Variants in CASZ1 observed in about 807,000 individuals in gnomAD.
The protein encoded by CASZ1 is zinc finger protein castor homolog 1.
In CASZ1, 28 loss-of-function variants were observed where a neutral mutation model predicts 135.2. The observed-to-expected ratio is 0.21, with a 90% CI of 0.15 to 0.28. CASZ1 has a LOEUF of 0.28. CASZ1 is among the 10% of genes least tolerant of loss of function. The pLI is 1.00. For missense variants in CASZ1, 2,161 were observed against 2,453.3 expected, an observed-to-expected ratio of 0.88 and a Z score of 2.52; for synonymous variants, 1,068 against 1,073.4, an observed-to-expected ratio of 0.99 and a Z score of 0.10.
chr1:10,658,725 TC>T, intron 6 of CASZ1, 149 bp from the exon 7 acceptor site: 1 of 679,778 alleles, frequency 1.5e-6, no homozygotes, highest in Non-Finnish European at 2.6e-6. Context: ...ACTGAGGACA[TC>T]CCTGGCAGAA....
chr1:10,652,713 TG>T (rs1420153439), intron 11 of CASZ1: 1 of 152,324 alleles, frequency 6.6e-6, no homozygotes, highest in Non-Finnish European at 1.5e-5. Flanking sequence ...GGCCCTTTTC[TG>T]TCTGACGTGG....
At chr1:10,654,742 T>C in intron 9 of CASZ1, 151 bp from the exon 10 acceptor site, 1 of 725,830 alleles carries the variant, frequency 1.4e-6, no homozygotes, top group Non-Finnish European at 2.3e-6. Flanking sequence ...GGGATGTTGA[T>C]GTAGGAAGCA....
chr1:10,722,205 CT>C (rs1182088902), intron 2 of CASZ1, among the ~76,000 whole-genome samples: 50 of 152,342 alleles, frequency 3.3e-4, no homozygotes, highest in African/African-American at 1.2e-3. Flanking sequence ...GACCATGAGG[CT>C]TCCTTTACCC....
intron 9 of CASZ1, 104 bp downstream of exon 9, chr1:10,655,545 T>C (rs751610994): frequency 9.1e-7 from 1 of 1,094,664 alleles, no homozygotes; most frequent in Non-Finnish European, 1.3e-6. Flanking sequence ...TCAACTGGGG[T>C]CCCTGCCCAT....
Position 10,701,162 on chromosome 1 carries a change from G to A in CASZ1, c.-24+4330C>T, listed in dbSNP as rs1435568414. Among the ~76,000 whole-genome samples, 1 of 152,188 alleles carries A rather than the reference G, an allele frequency of 6.6e-6. No homozygotes were observed. The highest frequency in any genetic ancestry group is 1.5e-5 in the Non-Finnish European group (1 of 68,038). ...TTGTCAAGGAGCTGAGCTGCCCCAG[G>A]TGTCTGGTGGGGCTCCTGGGCAGCT... On this transcript the variant is annotated intron_variant, in intron 3 of 20. Coordinates refer to ENST00000377022, the MANE Select transcript of CASZ1 (RefSeq NM_001079843.3). The surrounding 1 kb of genome is among the most constrained non-coding windows in gnomAD (Gnocchi z 6.3).
In CASZ1 at chr1:10,756,528, C is replaced by T. The variant is rs993691218; in HGVS notation, c.-77+4173G>A. On this transcript the variant is annotated intron_variant, in intron 2 of 20. Coordinates refer to ENST00000377022, the MANE Select transcript of CASZ1 (RefSeq NM_001079843.3). The surrounding 1 kb of genome is among the most constrained non-coding windows in gnomAD (Gnocchi z 5.9). ...CAGGGCTACAGGGCAGTGCCCAGGG[C>T]GGCATGGGGCCTGTCCAGGGGCGCT... 6.6e-5 allele frequency among the ~76,000 whole-genome samples: 10 copies of T among 152,242 alleles called. No individual in the cohort carries two copies. Among genetic ancestry groups the T allele is most frequent in the Non-Finnish European group, 1.2e-4 (8 of 68,036 alleles).
intron 2 of CASZ1, among the ~76,000 whole-genome samples, chr1:10,751,409 A>T (rs1640149162): frequency 6.6e-6 from 1 of 152,072 alleles, no homozygotes; most frequent in African/African-American, 2.4e-5. Context: ...CTTCAGGGGG[A>T]TGATCTTTAG....
intron 1 of CASZ1, among the ~76,000 whole-genome samples, chr1:10,796,029 A>C (rs1490012344): frequency 1.4e-5 from 2 of 139,504 alleles, no homozygotes; most frequent in Non-Finnish European, 3.1e-5. Flanking sequence ...TCTGCCCTGG[A>C]GAGCGCACGA....
Position 10,766,419 on chromosome 1 carries a change from C to T in CASZ1, c.-233-5562G>A, listed in dbSNP as rs149005775. ...AATGGGGATAAAGATAGTTCCTCTG[C>T]GAACCGTCATGAGGATTAAATGGCT... On this transcript the variant is annotated intron_variant, in intron 1 of 20. Transcript: ENST00000377022. 3.2e-3 allele frequency among the ~76,000 whole-genome samples: 482 copies of T among 152,286 alleles called. 11 individuals are homozygous for T. Among genetic ancestry groups the T allele is most frequent in the Admixed American group, 0.024 (369 of 15,296 alleles).
Position 10,693,687 on chromosome 1 carries a change from G to A in CASZ1, c.16+187C>T, listed in dbSNP as rs1411772996. Among the ~76,000 whole-genome samples the A allele has an allele frequency of 5.9e-5, 9 of 152,194 alleles. No individual in the cohort carries two copies. In the East Asian group the frequency reaches 1.7e-3, roughly 30 times the overall value. On this transcript the variant is annotated intron_variant, in intron 4 of 20. Transcript: ENST00000377022. ...ATTAGTCACAGCCTCTAAGCAAGTG[G>A]CAAATAACAACAACAACAGCCTCAG...
chr1:10,763,850 G>A (rs886272052), intron 1 of CASZ1, among the ~76,000 whole-genome samples: 2 of 152,062 alleles, frequency 1.3e-5, no homozygotes, highest in African/African-American at 4.8e-5. Flanking sequence ...CCAACAGAAC[G>A]CTCCATTCGC....
Position 10,665,542 on chromosome 1 carries a change from C to T in CASZ1, c.46G>A (p.Ala16Thr). 1.3e-6 allele frequency: 2 copies of T among 1,577,444 alleles called. No homozygotes were observed. The highest frequency in any genetic ancestry group is 1.7e-4 in the Middle Eastern group (1 of 5,914). The stretch of plus-strand genomic sequence containing the variant: ...TTGGGCGCCATGGCGGGCTTGCCTG[C>T]AGGCGGGTCCGTGCACCGGGTGCCC... ...AEGTRCTDPP[A>T]GKPAMAPKRK... Residue 16 changes from alanine (A) to threonine (T), a missense_variant, in exon 5 of 21, where the codon GCA (alanine) becomes ACA (threonine). Ala to Thr is a moderately conservative substitution (Grantham distance 58). Transcript: ENST00000377022.
chr1:10,781,557 C>T (rs934855906), intron 1 of CASZ1, among the ~76,000 whole-genome samples: 11 of 152,344 alleles, frequency 7.2e-5, no homozygotes, highest in African/African-American at 2.4e-4. Flanking sequence ...TGGGCGGACA[C>T]GTTTGCCTTG....
chr1:10,641,345 C>T (rs1264697184), intron 20 of CASZ1, among the ~76,000 whole-genome samples: 1 of 152,240 alleles, frequency 6.6e-6, no homozygotes, highest in Non-Finnish European at 1.5e-5. Context: ...CTCGGCCCTG[C>T]CCTGGCCATA....
chr1:10,780,811 G>A (rs781649163), intron 1 of CASZ1, among the ~76,000 whole-genome samples: 2 of 152,148 alleles, frequency 1.3e-5, no homozygotes, highest in Non-Finnish European at 2.9e-5. Context: ...TCAGGTAAGT[G>A]ACTGAACCTC....
intron 4 of CASZ1, among the ~76,000 whole-genome samples, chr1:10,673,729 C>T (rs1359917353): frequency 6.6e-6 from 1 of 152,232 alleles, no homozygotes; most frequent in Non-Finnish European, 1.5e-5. Flanking sequence ...CTCTAGGGAA[C>T]CCGGTCCCTG....
chr1:10,779,824 C>T (rs1333842610), intron 1 of CASZ1, among the ~76,000 whole-genome samples: 1 of 152,184 alleles, frequency 6.6e-6, no homozygotes, highest in Admixed American at 6.5e-5. Context: ...CGTGATATTC[C>T]TGGGCAGACC....
chr1:10,693,356 C>G (rs1473152338), intron 4 of CASZ1, among the ~76,000 whole-genome samples: 1 of 151,972 alleles, frequency 6.6e-6, no homozygotes, highest in Admixed American at 6.5e-5. Context: ...AATTAAATTC[C>G]TTTACCTTGA....
At chr1:10,771,610 A>C (rs1640578443) in intron 1 of CASZ1, among the ~76,000 whole-genome samples, 1 of 152,098 alleles carries the variant, frequency 6.6e-6, no homozygotes, top group Non-Finnish European at 1.5e-5. Context: ...GGAGGCACCT[A>C]AGCAAAGCCA....
Sources: allele counts gnomAD v4.1 joint callset (sites outside exome capture counted in the v4.1 genomes callset), GRCh38; gene constraint gnomAD v4.1.1; non-coding constraint Gnocchi (gnomAD v3.1); transcripts MANE v1.5; gene names NCBI Gene and HGNC (gene_info 2026-07-23, HGNC 2026-07-21).